Variants in RARB observed in about 807,000 individuals in gnomAD.
The protein encoded by RARB is HBV-activated protein.
Under a neutral mutation model 51.9 loss-of-function variants are expected in RARB, and 17 were observed. That is an observed-to-expected ratio of 0.33 (90% CI 0.22 to 0.49). The LOEUF (loss-of-function observed/expected upper bound fraction) is 0.49. RARB is among the 20% of genes least tolerant of loss of function. The probability of loss-of-function intolerance (pLI) is 0.99; values close to 1 mark genes in which losing one functional copy is unlikely to be tolerated. For missense variants in RARB, 369 were observed against 550.8 expected (o/e 0.67, Z 3.30); for synonymous variants, 215 against 195.4 (o/e 1.10, Z -0.84).
In RARB at chr3:25,297,250, G is replaced by A. The variant is rs560700258; in HGVS notation, c.178+122675G>A. Among the ~76,000 whole-genome samples the A allele has an allele frequency of 2.0e-5, 3 of 152,218 alleles. No individual in the cohort carries two copies. The South Asian group carries it at 6.2e-4, about 32-fold the overall frequency. On this transcript the variant is annotated intron_variant, in intron 5 of 11. Transcript: ENST00000383772. ...ACTCAGGATAAAGTAAGGGAATTAAGGTCTAGATATTTTACCAGCAGAATA... is the reference window on the plus strand; with the variant it reads ...ACTCAGGATAAAGTAAGGGAATTAAAGTCTAGATATTTTACCAGCAGAATA...
intron 2 of RARB, among the ~76,000 whole-genome samples, chr3:24,864,441 A>G (rs1702811908): frequency 2.0e-5 from 3 of 152,112 alleles, no homozygotes; most frequent in Non-Finnish European, 4.4e-5. Flanking sequence ...TGCTGGGGCA[A>G]TGTTGTTTGC....
chr3:25,124,223 A>G (rs1315865273), intron 3 of RARB, among the ~76,000 whole-genome samples: 3 of 152,116 alleles, frequency 2.0e-5, no homozygotes, highest in Non-Finnish European at 4.4e-5. Flanking sequence ...AAATAAGAAA[A>G]ATTAGCTGGG....
chr3:25,497,144 C>T (rs1697080122), intron 2 of RARB, among the ~76,000 whole-genome samples: 2 of 152,184 alleles, frequency 1.3e-5, no homozygotes, highest in South Asian at 4.1e-4. Context: ...CTTGGCCTCC[C>T]AAAGTGCTGG....
chr3:25,416,248 G>T (rs1707699739), intron 5 of RARB, among the ~76,000 whole-genome samples: 1 of 152,158 alleles, frequency 6.6e-6, no homozygotes, highest in Admixed American at 6.5e-5. Flanking sequence ...AATTAGTCAG[G>T]CATGGTGGCA....
chr3:25,500,759 G>A (rs1242508170), intron 2 of RARB, among the ~76,000 whole-genome samples: 1 of 152,078 alleles, frequency 6.6e-6, no homozygotes, highest in Non-Finnish European at 1.5e-5. Flanking sequence ...GATTACAGGA[G>A]TGAGCCACTG....
chr3:24,958,247 C>T (rs556435708), intron 2 of RARB, among the ~76,000 whole-genome samples: 13 of 103,796 alleles, frequency 1.3e-4, no homozygotes, highest in Non-Finnish European at 2.0e-4. Context: ...GCTTCCTGAG[C>T]TGCTCAGGTT....
intron 3 of RARB, among the ~76,000 whole-genome samples, chr3:25,119,943 G>A (rs1466491929): frequency 6.6e-6 from 1 of 152,146 alleles, no homozygotes; most frequent in Non-Finnish European, 1.5e-5. Flanking sequence ...TGGATGAAAG[G>A]AGAAGTGATG....
At chr3:24,963,556 C>G (rs1190833204) in intron 2 of RARB, among the ~76,000 whole-genome samples, 1 of 151,348 alleles carries the variant, frequency 6.6e-6, no homozygotes, top group Non-Finnish European at 1.5e-5. Flanking sequence ...ATTCAGGAAG[C>G]AGAATAACTT....
intron 3 of RARB, among the ~76,000 whole-genome samples, chr3:25,540,785 A>G (rs1209854242): frequency 1.3e-5 from 2 of 152,218 alleles, no homozygotes; most frequent in Non-Finnish European, 2.9e-5. Flanking sequence ...TGATTTTTGT[A>G]ATTAAGAAAA....
chr3:25,183,838 T>C lies in RARB; in HGVS notation c.178+9263T>C, dbSNP rs147149108. 4.6e-5 allele frequency among the ~76,000 whole-genome samples: 7 copies of C among 152,250 alleles called. No individual in the cohort carries two copies. In the East Asian group the frequency reaches 1.4e-3, roughly 29 times the overall value. On this transcript the variant is annotated intron_variant, in intron 5 of 11. Coordinates refer to the RARB transcript ENST00000383772. ...TCCTGCAATAACACTTATTGTCTTC[T>C]CCCTTATATTTAGAGCTAATTTTGT...
chr3:25,325,008 T>G (rs985470578), intron 5 of RARB, among the ~76,000 whole-genome samples: 1 of 152,094 alleles, frequency 6.6e-6, no homozygotes, highest in Non-Finnish European at 1.5e-5. Context: ...TATTAGGAAG[T>G]GAAGAAACAA....
At position 25,595,974 on chromosome 3, in the gene RARB, T is replaced by C. The variant is rs1280961628; in HGVS notation, c.1151-446T>C. Among the ~76,000 whole-genome samples, 5 of 152,292 alleles carry C rather than the reference T, an allele frequency of 3.3e-5. No homozygotes were observed. In the East Asian group the frequency reaches 9.6e-4, roughly 29 times the overall value. ...CAGCTGCTTTTCCACAAAGTAAAAA[T>C]GTTTTAATGGTGTAAAATAAGGATA... On this transcript the variant is annotated intron_variant, in intron 7 of 7. Coordinates refer to ENST00000330688, the MANE Select transcript of RARB (RefSeq NM_000965.5).
intron 3 of RARB, among the ~76,000 whole-genome samples, chr3:25,515,501 C>T (rs1698117749): frequency 1.3e-5 from 2 of 152,054 alleles, no homozygotes. Flanking sequence ...GATAATAGTC[C>T]AATCCTGGGG....
At chr3:25,134,103 G>A (rs73049956) in intron 4 of RARB, among the ~76,000 whole-genome samples, 12,566 of 151,816 alleles carry the variant, frequency 0.083, 671 homozygotes, top group Non-Finnish European at 0.13. Context: ...TAGTTGTATG[G>A]CATTTTGTTA....
chr3:25,065,720 A>G (rs1334152899), intron 3 of RARB, among the ~76,000 whole-genome samples: 1 of 152,242 alleles, frequency 6.6e-6, no homozygotes, highest in African/African-American at 2.4e-5. Flanking sequence ...AGAATCTGGC[A>G]TGCAAATGCT....
intron 2 of RARB, among the ~76,000 whole-genome samples, chr3:24,997,550 T>C (rs1210462670): frequency 6.6e-6 from 1 of 152,080 alleles, no homozygotes; most frequent in Non-Finnish European, 1.5e-5. Context: ...TGCAGTTGGG[T>C]GGTTTTCTAC....
chr3:25,407,303 G>C (rs189609344), intron 5 of RARB, among the ~76,000 whole-genome samples: 1 of 152,276 alleles, frequency 6.6e-6, no homozygotes. Context: ...TTTAGAAAAA[G>C]ACCGCAAATT....
intron 2 of RARB, among the ~76,000 whole-genome samples, chr3:25,022,264 G>A (rs925621310): frequency 6.6e-5 from 10 of 152,128 alleles, no homozygotes; most frequent in African/African-American, 2.4e-4. Context: ...CACCCTAAGG[G>A]TAACCAATAT....
At chr3:25,071,515 C>T (rs964603457) in intron 3 of RARB, among the ~76,000 whole-genome samples, 10 of 152,158 alleles carry the variant, frequency 6.6e-5, no homozygotes, top group African/African-American at 2.4e-4. Context: ...CTTGAAACTC[C>T]TTCTTGCCAA....
Sources: allele counts gnomAD v4.1 joint callset (sites outside exome capture counted in the v4.1 genomes callset), GRCh38; gene constraint gnomAD v4.1.1; transcripts MANE v1.5; gene names NCBI Gene and HGNC (gene_info 2026-07-23, HGNC 2026-07-21).